PLCB1: variants seen among roughly 807,000 people sequenced by gnomAD.
The protein encoded by PLCB1 is 1-phosphatidylinositol 4,5-bisphosphate phosphodiesterase beta-1.
A neutral mutation model predicts 161.8 loss-of-function variants in PLCB1; 46 were observed. The ratio of observed to expected loss-of-function variants is 0.28; its 90% CI spans 0.22 to 0.36. The LOEUF (loss-of-function observed/expected upper bound fraction) is 0.36. PLCB1 is among the 10% of genes least tolerant of loss of function. The pLI is 1.00. For missense variants in PLCB1, 1,016 were observed against 1,472.5 expected, an observed-to-expected ratio of 0.69 and a Z score of 5.07; for synonymous variants, 517 against 503.7, an observed-to-expected ratio of 1.03 and a Z score of -0.35.
At position 8,883,441 on chromosome 20, in the gene PLCB1, T is replaced by TAAC. The variant is rs1054453680; in HGVS notation, c.*1594_*1596dup. The TAAC allele has an allele frequency of 1.3e-5, 2 of 151,698 alleles. No individual in the cohort carries two copies. The highest frequency in any genetic ancestry group is 4.8e-5 in the African/African-American group (2 of 41,316). The allele number at this position is 151,698 out of a possible 1,614,324, so 9.4% of individuals were successfully genotyped here. ...ATGTAGAAAAATGTAACTTAGAGAG[T>TAAC]AACACATGAACATTGAAGTTAAAAC... On this transcript the variant is annotated 3_prime_UTR_variant, in exon 32 of 32. Transcript: ENST00000338037.
chr20:8,581,513 G>A (rs1340562707), intron 3 of PLCB1, among the ~76,000 whole-genome samples: 1 of 152,180 alleles, frequency 6.6e-6, no homozygotes, highest in African/African-American at 2.4e-5. Context: ...GTGAGATGAA[G>A]TTTTTAATTA....
chr20:8,466,017 A>G (rs1276754260), intron 3 of PLCB1, among the ~76,000 whole-genome samples: 3 of 144,918 alleles, frequency 2.1e-5, no homozygotes, highest in Non-Finnish European at 4.5e-5. Flanking sequence ...ATAAAGACAC[A>G]TGCACACGTA....
intron 3 of PLCB1, among the ~76,000 whole-genome samples, chr20:8,596,944 G>A (rs1415253080): frequency 2.6e-5 from 4 of 152,184 alleles, no homozygotes; most frequent in African/African-American, 4.8e-5. Context: ...ATTTTTGCAC[G>A]TTGATTTTGT....
At chr20:8,416,784 C>A (rs974233470) in intron 3 of PLCB1, among the ~76,000 whole-genome samples, 8 of 151,958 alleles carry the variant, frequency 5.3e-5, no homozygotes, top group African/African-American at 1.9e-4. Flanking sequence ...CAGAGCTGAG[C>A]ATCATCCTGG....
At chr20:8,724,581 G>T in intron 15 of PLCB1, 75 bp from the exon 16 acceptor site, 1 of 870,492 alleles carries the variant, frequency 1.1e-6, no homozygotes, top group South Asian at 1.4e-5. Context: ...GAATCATGTT[G>T]TCATTTTCCT....
intron 2 of PLCB1, among the ~76,000 whole-genome samples, chr20:8,174,812 G>A (rs1050243239): frequency 3.9e-5 from 6 of 152,162 alleles, no homozygotes; most frequent in Admixed American, 2.6e-4. Flanking sequence ...ACTTTAGGAG[G>A]TCAATGCAGG....
intron 3 of PLCB1, among the ~76,000 whole-genome samples, chr20:8,470,406 A>G (rs1378312955): frequency 1.3e-5 from 2 of 152,166 alleles, no homozygotes; most frequent in African/African-American, 4.8e-5. Flanking sequence ...CACGTTCTCC[A>G]CATTCTCACC....
intron 2 of PLCB1, among the ~76,000 whole-genome samples, chr20:8,167,739 T>G (rs1297238428): frequency 2.0e-5 from 3 of 152,226 alleles, no homozygotes; most frequent in Admixed American, 2.0e-4. Context: ...TCTTTAATAT[T>G]CTGATGTACT....
intron 2 of PLCB1, among the ~76,000 whole-genome samples, chr20:8,262,086 A>G (rs558972560): frequency 6.6e-6 from 1 of 152,062 alleles, no homozygotes; most frequent in South Asian, 2.1e-4. Context: ...TTTTTGAGAC[A>G]GAGTCTTGCT....
rs184551068 is a variant in PLCB1 at position 8,277,069 on chromosome 20, C to T, written c.178-94313C>T. Among the ~76,000 whole-genome samples the T allele has an allele frequency of 1.9e-3, 279 of 150,648 alleles. 1 individual carries two copies. The highest frequency in any genetic ancestry group is 6.5e-3 in the African/African-American group (267 of 40,960). On this transcript the variant is annotated intron_variant, in intron 2 of 31. Transcript: ENST00000338037. ...AGGCTGGAGTGCAGTGGCACGATCT[C>T]GGCTCACTGCAGCCTCCACCTCCTG...
intron 2 of PLCB1, among the ~76,000 whole-genome samples, chr20:8,327,591 G>C (rs1044625898): frequency 6.6e-6 from 1 of 152,174 alleles, no homozygotes; most frequent in Non-Finnish European, 1.5e-5. Flanking sequence ...GCCATAGAAG[G>C]CCTCTACCAT....
At chr20:8,311,897 G>C (rs1224358370) in intron 2 of PLCB1, among the ~76,000 whole-genome samples, 1 of 152,146 alleles carries the variant, frequency 6.6e-6, no homozygotes, top group South Asian at 2.1e-4. Flanking sequence ...GTGATGAGAA[G>C]ACCTTGCATA....
At chr20:8,206,000 A>G (rs1978507385) in intron 2 of PLCB1, among the ~76,000 whole-genome samples, 1 of 151,176 alleles carries the variant, frequency 6.6e-6, no homozygotes, top group Non-Finnish European at 1.5e-5. Context: ...ATTTTTTCCA[A>G]TAAAAACTTT....
chr20:8,821,517 A>T (rs866371158), intron 31 of PLCB1, among the ~76,000 whole-genome samples: 1 of 23,458 alleles, frequency 4.3e-5, no homozygotes, highest in African/African-American at 2.8e-4. Context: ...ATATATATAT[A>T]TATATATATA....
intron 3 of PLCB1, among the ~76,000 whole-genome samples, chr20:8,538,209 AT>A (rs201368712): frequency 0.02 from 3,076 of 152,366 alleles, 42 homozygotes; most frequent in South Asian, 0.032. Flanking sequence ...CACATATCTT[AT>A]GAAATAAAGA....
intron 5 of PLCB1, 89 bp from the exon 6 acceptor site, chr20:8,647,811 G>A (rs1989207626): frequency 2.1e-6 from 2 of 974,084 alleles, no homozygotes; most frequent in East Asian, 2.4e-5. Context: ...ATGTACAAAG[G>A]CATGGGCTTT....
At chr20:8,406,550 C>T (rs1260593759) in intron 3 of PLCB1, among the ~76,000 whole-genome samples, 1 of 152,090 alleles carries the variant, frequency 6.6e-6, no homozygotes, top group East Asian at 1.9e-4. Context: ...CTAATGGAGG[C>T]CAGAACTTAT....
intron 4 of PLCB1, among the ~76,000 whole-genome samples, chr20:8,629,833 CT>C: frequency 1.2e-5 from 1 of 82,582 alleles, no homozygotes; most frequent in African/African-American, 5.5e-5. Context: ...TTCTTTCTTT[CT>C]TTCTTTCTTT....
At chr20:8,319,277 A>G (rs1427394863) in intron 2 of PLCB1, among the ~76,000 whole-genome samples, 1 of 152,156 alleles carries the variant, frequency 6.6e-6, no homozygotes, top group Non-Finnish European at 1.5e-5. Context: ...ATGTATCTGT[A>G]GGTTGGAAAT....
Sources: gnomAD v4.1 joint callset for allele counts (sites outside exome capture counted in the v4.1 genomes callset) on GRCh38, gnomAD v4.1.1 for gene constraint, MANE v1.5 for transcripts, NCBI Gene and HGNC (gene_info 2026-07-23, HGNC 2026-07-21) for gene names.